Variants in SLC9B1 observed in about 807,000 individuals in gnomAD.
SLC9B1 encodes sodium/hydrogen exchanger 9B1.
Under a neutral mutation model 51.7 loss-of-function variants are expected in SLC9B1, and 32 were observed. The ratio of observed to expected loss-of-function variants is 0.62; its 90% CI spans 0.47 to 0.83. The LOEUF is 0.83. Among genes scored for constraint, SLC9B1 ranks in the 40% least tolerant of loss-of-function variants. The probability of loss-of-function intolerance (pLI) is 0.00; values close to 1 mark genes in which losing one functional copy is unlikely to be tolerated. For missense variants in SLC9B1, 406 were observed against 613.2 expected, an observed-to-expected ratio of 0.66 and a Z score of 3.57; for synonymous variants, 145 against 212.7, an observed-to-expected ratio of 0.68 and a Z score of 2.77.
chr4:102,889,067 A>G (rs1734092595), intron 11 of SLC9B1: 1 of 152,234 alleles, frequency 6.6e-6, no homozygotes, highest in African/African-American at 2.4e-5. Flanking sequence ...TGGGTTTTTA[A>G]TTTATTACAT....
intron 7 of SLC9B1, among the ~76,000 whole-genome samples, chr4:102,928,424 C>T (rs775795147): frequency 2.6e-5 from 4 of 152,150 alleles, no homozygotes; most frequent in Non-Finnish European, 5.9e-5. Context: ...CTTCACTGTC[C>T]AAGTCACTAT....
chr4:103,019,183 C>T (rs1215513627), intron 1 of SLC9B1, among the ~76,000 whole-genome samples: 6 of 152,084 alleles, frequency 3.9e-5, no homozygotes, highest in African/African-American at 1.2e-4. Context: ...AGAGCTTTCT[C>T]AGGATCGGCA....
intron 7 of SLC9B1, among the ~76,000 whole-genome samples, chr4:102,913,796 T>TAAAAAAAAAAAAAAAAAAAAAGAAAC (rs1735459749): frequency 1.4e-5 from 1 of 71,448 alleles, no homozygotes; most frequent in Admixed American, 1.5e-4. Flanking sequence ...AGATAGAAAC[T>TAAAAAAAAAAAAAAAAAAAAAGAAAC]AAAAAAAAAA....
intron 3 of SLC9B1, among the ~76,000 whole-genome samples, chr4:102,969,979 G>A (rs985040817): frequency 3.9e-5 from 6 of 152,108 alleles, no homozygotes; most frequent in African/African-American, 1.2e-4. Flanking sequence ...CAAGAAATAC[G>A]GGACTATGTG....
At chr4:102,944,950 A>G (rs1262340638) in intron 6 of SLC9B1, among the ~76,000 whole-genome samples, 3 of 152,198 alleles carry the variant, frequency 2.0e-5, no homozygotes, top group Non-Finnish European at 4.4e-5. Context: ...TACAGATGAA[A>G]AGGAATAAAT....
intron 1 of SLC9B1, among the ~76,000 whole-genome samples, chr4:103,018,861 G>T (rs1303964934): frequency 6.6e-6 from 1 of 152,192 alleles, no homozygotes; most frequent in Non-Finnish European, 1.5e-5. Context: ...AGGTGAGCAG[G>T]GCTAGAGGAT....
intron 4 of SLC9B1, among the ~76,000 whole-genome samples, chr4:102,947,548 C>A (rs1372118396): frequency 1.3e-5 from 2 of 152,148 alleles, no homozygotes; most frequent in Admixed American, 6.5e-5. Flanking sequence ...AAGACAAGGT[C>A]TGCTATATTG....
intron 1 of SLC9B1, among the ~76,000 whole-genome samples, chr4:103,003,906 C>A (rs902687084): frequency 1.3e-5 from 2 of 152,132 alleles, no homozygotes; most frequent in Admixed American, 1.3e-4. Context: ...CACAACCAAA[C>A]CCCCAAGGGC....
chr4:102,907,089 A>C (rs1735093087), intron 9 of SLC9B1, among the ~76,000 whole-genome samples: 1 of 152,218 alleles, frequency 6.6e-6, no homozygotes, highest in Non-Finnish European at 1.5e-5. Context: ...ACTTAATAAA[A>C]ACTGAGCACT....
At chr4:102,885,483 C>T (rs750145201) in intron 11 of SLC9B1, 97 of 1,388,540 alleles carry the variant, frequency 7.0e-5, no homozygotes, top group Middle Eastern at 2.0e-4. Flanking sequence ...AGGATTGTTT[C>T]GCCTCTTAAA....
At position 103,003,978 on chromosome 4, in the gene SLC9B1, C is replaced by T. The variant is rs555847371; in HGVS notation, c.-1-12266G>A. On this transcript the variant is annotated intron_variant, in intron 1 of 11. Transcript: ENST00000296422. ...GACAACAACTTAAATGTTGAAGGAA[C>T]ATGAGCCCACACAGATGAGAAATAA... 5.3e-5 allele frequency among the ~76,000 whole-genome samples: 8 copies of T among 152,326 alleles called. No individual in the cohort carries two copies. The South Asian group carries it at 1.7e-3, about 32-fold the overall frequency.
chr4:102,961,885 T>G (rs1738154192), intron 3 of SLC9B1: 1 of 215,616 alleles, frequency 4.6e-6, no homozygotes, highest in Non-Finnish European at 9.3e-6. Flanking sequence ...ATGGGGTGAG[T>G]GGGTTGCCAA....
chr4:103,014,275 T>TAAC (rs1177333677), intron 1 of SLC9B1, among the ~76,000 whole-genome samples: 1 of 152,214 alleles, frequency 6.6e-6, no homozygotes, highest in Non-Finnish European at 1.5e-5. Flanking sequence ...TTCATCCAGC[T>TAAC]AACGCTTCAT....
chr4:102,976,996 A>T (rs1739105451), intron 3 of SLC9B1, among the ~76,000 whole-genome samples: 1 of 152,084 alleles, frequency 6.6e-6, no homozygotes, highest in Non-Finnish European at 1.5e-5. Flanking sequence ...AAAAAATTTT[A>T]AAAATTATCC....
chr4:102,931,496 T>C (rs1424222393), intron 7 of SLC9B1, among the ~76,000 whole-genome samples: 5 of 152,200 alleles, frequency 3.3e-5, no homozygotes, highest in East Asian at 3.8e-4. Context: ...TATAAAACTA[T>C]ATATATTACT....
intron 3 of SLC9B1, among the ~76,000 whole-genome samples, chr4:102,963,858 T>C (rs1046011269): frequency 1.3e-5 from 2 of 151,876 alleles, no homozygotes; most frequent in East Asian, 1.9e-4. Context: ...AAAGAAAAAA[T>C]AATCTAAAAT....
chr4:102,982,368 T>C (rs935509238), intron 3 of SLC9B1, among the ~76,000 whole-genome samples: 1 of 152,122 alleles, frequency 6.6e-6, no homozygotes, highest in Admixed American at 6.6e-5. Flanking sequence ...TCTCTTTCAA[T>C]GTCGAGTTGG....
In SLC9B1 at chr4:102,966,613, A is replaced by T. The variant is rs62327323; in HGVS notation, c.212-17186T>A. On this transcript the variant is annotated intron_variant, in intron 3 of 11. Coordinates refer to ENST00000296422, the MANE Select transcript of SLC9B1 (RefSeq NM_139173.4). Reference sequence around the variant, plus strand: ...GATCTCAAAACAGCACAGGGCAGTGATGCATGGATTCTGTCTCTTAAAACC... The same window carrying T: ...GATCTCAAAACAGCACAGGGCAGTGTTGCATGGATTCTGTCTCTTAAAACC... Among the ~76,000 whole-genome samples, 466 of 152,316 alleles carry T rather than the reference A, an allele frequency of 3.1e-3. 4 individuals carry two copies. Among genetic ancestry groups the T allele is most frequent in the Non-Finnish European group, 3.6e-3 (248 of 68,030 alleles).
chr4:102,920,856 A>G (rs1578347202), intron 7 of SLC9B1, among the ~76,000 whole-genome samples: 1 of 152,334 alleles, frequency 6.6e-6, no homozygotes, highest in East Asian at 1.9e-4. Context: ...AGACAAGGTT[A>G]GAGAAACAAG....
Sources: gnomAD v4.1 joint callset for allele counts (sites outside exome capture counted in the v4.1 genomes callset) on GRCh38, gnomAD v4.1.1 for gene constraint, MANE v1.5 for transcripts, NCBI Gene and HGNC (gene_info 2026-07-23, HGNC 2026-07-21) for gene names.